Variants in SIPA1L3 observed in about 807,000 individuals in gnomAD.
SIPA1L3 encodes signal-induced proliferation-associated 1-like protein 3.
In SIPA1L3, 59 loss-of-function variants were observed where a neutral mutation model predicts 150.1. That is an observed-to-expected ratio of 0.39 (90% CI 0.32 to 0.49). SIPA1L3 has a LOEUF of 0.49. Among genes scored for constraint, SIPA1L3 ranks in the 20% least tolerant of loss-of-function variants. The pLI is 0.86. For synonymous variants in SIPA1L3, 1,070 were observed against 1,077.6 expected, an observed-to-expected ratio of 0.99 and a Z score of 0.14; for missense variants, 2,211 against 2,489.5, an observed-to-expected ratio of 0.89 and a Z score of 2.38.
chr19:38,047,044 C>T lies in SIPA1L3; in HGVS notation c.-311+17888C>T, dbSNP rs1173881547. 1.3e-5 allele frequency among the ~76,000 whole-genome samples: 2 copies of T among 152,166 alleles called. No individual in the cohort carries two copies. The highest frequency in any genetic ancestry group is 4.8e-5 in the African/African-American group (2 of 41,410). ...TATAGGTGTTGACCCACTTAGTCCT[C>T]CCAAAAACCCTGTGAGGCAGGCACT... On this transcript the variant is annotated intron_variant, in intron 2 of 21. Coordinates refer to ENST00000222345, the MANE Select transcript of SIPA1L3 (RefSeq NM_015073.3). This position sits in a 1 kb window ranked among gnomAD's most constrained non-coding sequence, Gnocchi z 4.7.
intron 3 of SIPA1L3, among the ~76,000 whole-genome samples, chr19:38,084,840 A>G (rs542967600): frequency 1.3e-4 from 19 of 151,960 alleles, no homozygotes; most frequent in Admixed American, 6.6e-4. Flanking sequence ...GGGTTTCTCC[A>G]TGTTGGCCAG....
intron 10 of SIPA1L3, among the ~76,000 whole-genome samples, chr19:38,139,241 T>TCG (rs1971515265): frequency 6.6e-6 from 1 of 152,136 alleles, no homozygotes; most frequent in Non-Finnish European, 1.5e-5. Context: ...TTGGCCCTGC[T>TCG]TAGAGCACAT....
At chr19:38,061,206 A>C (rs541519848) in intron 2 of SIPA1L3, among the ~76,000 whole-genome samples, 1 of 151,346 alleles carries the variant, frequency 6.6e-6, no homozygotes, top group East Asian at 1.9e-4. Flanking sequence ...TTTATTTAGC[A>C]CATGGTTTGG....
At chr19:38,079,004 C>T (rs1405357276) in intron 2 of SIPA1L3, among the ~76,000 whole-genome samples, 3 of 152,160 alleles carry the variant, frequency 2.0e-5, no homozygotes, top group Non-Finnish European at 4.4e-5. Context: ...TCCAATTAGG[C>T]AGAGGCCATC....
At chr19:38,119,912 C>A in intron 9 of SIPA1L3, 30 bp downstream of exon 9, 1 of 1,524,378 alleles carries the variant, frequency 6.6e-7, no homozygotes, top group Non-Finnish European at 8.9e-7. Flanking sequence ...GATAGGGCGG[C>A]GATTTGTATG....
intron 1 of SIPA1L3, among the ~76,000 whole-genome samples, chr19:37,934,060 C>A (rs1323625179): frequency 2.6e-5 from 4 of 152,162 alleles, no homozygotes; most frequent in Non-Finnish European, 5.9e-5. Flanking sequence ...TGGGGCTGAA[C>A]AAGTTTTAAT....
intron 6 of SIPA1L3, among the ~76,000 whole-genome samples, chr19:38,103,888 C>T (rs1286426455): frequency 8.2e-6 from 1 of 121,822 alleles, no homozygotes; most frequent in Admixed American, 1.0e-4. Context: ...GGCGATACAG[C>T]GAGACTCCAT....
At chr19:37,915,449 T>C (rs1174168829) in intron 1 of SIPA1L3, among the ~76,000 whole-genome samples, 1 of 152,088 alleles carries the variant, frequency 6.6e-6, no homozygotes, top group Non-Finnish European at 1.5e-5. Flanking sequence ...TGGTGTGATC[T>C]GGGCTCACTG....
At chr19:37,962,463 C>CTTGTTTTTTTT (rs2046867597) in intron 1 of SIPA1L3, among the ~76,000 whole-genome samples, 1 of 73,096 alleles carries the variant, frequency 1.4e-5, no homozygotes, top group Non-Finnish European at 2.3e-5. Flanking sequence ...TGCAGCCGGC[C>CTTGTTTTTTTT]TTTTTTTTTT....
chr19:37,925,617 C>G (rs1437732976), intron 1 of SIPA1L3, among the ~76,000 whole-genome samples: 2 of 111,808 alleles, frequency 1.8e-5, no homozygotes, highest in Non-Finnish European at 3.5e-5. Context: ...TTTTTTGAGA[C>G]GGAGTCTCAC....
chr19:37,965,158 G>A (rs2046891991), intron 1 of SIPA1L3, among the ~76,000 whole-genome samples: 1 of 152,084 alleles, frequency 6.6e-6, no homozygotes, highest in South Asian at 2.1e-4. Context: ...TTTCTGGCAA[G>A]GGGTTCTATA....
At chr19:38,000,338 G>A (rs551850522) in intron 1 of SIPA1L3, among the ~76,000 whole-genome samples, 84 of 151,892 alleles carry the variant, frequency 5.5e-4, no homozygotes, top group African/African-American at 1.9e-3. Context: ...CGTGGTGGTG[G>A]GTGCCTATAA....
intron 19 of SIPA1L3, chr19:38,200,030 A>G (rs1973049651): frequency 1.3e-5 from 2 of 152,020 alleles, no homozygotes; most frequent in African/African-American, 2.4e-5. Flanking sequence ...AGAATTCGAG[A>G]CCAGCCTGGG....
At chr19:37,962,772 G>A (rs567350328) in intron 1 of SIPA1L3, among the ~76,000 whole-genome samples, 9 of 152,244 alleles carry the variant, frequency 5.9e-5, no homozygotes, top group Admixed American at 4.6e-4. Flanking sequence ...GATTACAAGC[G>A]TGAGCCACCT....
intron 1 of SIPA1L3, among the ~76,000 whole-genome samples, chr19:37,937,128 A>G (rs1306007227): frequency 2.6e-5 from 4 of 152,248 alleles, no homozygotes; most frequent in Non-Finnish European, 4.4e-5. Flanking sequence ...TTCCCAAAGC[A>G]TTGGCATTAC....
In SIPA1L3 at chr19:38,082,425, C is replaced by T. The variant is rs1166538620; in HGVS notation, c.860C>T (p.Pro287Leu). 3 of 1,594,134 alleles carry T rather than the reference C, an allele frequency of 1.9e-6. No individual in the cohort carries two copies. The highest frequency in any genetic ancestry group is 1.1e-5 in the South Asian group (1 of 89,814). ...TKEKEKARKK[P>L]ARGLGGGDTV... ...GAGAAGGAGAAGGCCCGGAAGAAAC[C>T]TGCGCGGGGCCTCGGCGGCGGGGAC... The change falls in exon 3 of 22, where the codon CCT becomes CTT. Residue 287 changes from proline (P) to leucine (L), a missense_variant. Coordinates refer to ENST00000222345, the MANE Select transcript of SIPA1L3 (RefSeq NM_015073.3).
chr19:38,047,361 C>G lies in SIPA1L3; in HGVS notation c.-311+18205C>G, dbSNP rs1422859765. ...GGCTTGTGTATTGCCTGTCTACACC[C>G]TATAGTATAGCCTGTGAGCTCCTGT... On this transcript the variant is annotated intron_variant, in intron 2 of 21. Coordinates refer to ENST00000222345, the MANE Select transcript of SIPA1L3 (RefSeq NM_015073.3). The surrounding 1 kb of genome is among the most constrained non-coding windows in gnomAD (Gnocchi z 4.7). 2.0e-5 allele frequency among the ~76,000 whole-genome samples: 3 copies of G among 152,142 alleles called. No individual in the cohort carries two copies. Among genetic ancestry groups the G allele is most frequent in the East Asian group, 3.8e-4 (2 of 5,200 alleles).
chr19:37,974,042 C>T (rs767830315), intron 1 of SIPA1L3, among the ~76,000 whole-genome samples: 13 of 152,138 alleles, frequency 8.5e-5, no homozygotes, highest in East Asian at 1.9e-4. Flanking sequence ...AGTGACTTCC[C>T]CATTGTCCTG....
intron 1 of SIPA1L3, among the ~76,000 whole-genome samples, chr19:37,979,906 C>A (rs1967162077): frequency 6.6e-6 from 1 of 152,218 alleles, no homozygotes; most frequent in African/African-American, 2.4e-5. Context: ...TCTGTTGGTG[C>A]CTCCGCGTGC....
Sources: gnomAD v4.1 joint callset for allele counts (sites outside exome capture counted in the v4.1 genomes callset) on GRCh38, gnomAD v4.1.1 for gene constraint, Gnocchi (gnomAD v3.1) non-coding constraint, MANE v1.5 for transcripts, NCBI Gene and HGNC (gene_info 2026-07-23, HGNC 2026-07-21) for gene names.